The following PKHD1 variants were observed in gnomAD, a reference collection of about 807,000 sequenced individuals.
The protein encoded by PKHD1 is PKHD1 ciliary IPT domain containing fibrocystin/polyductin.
Under a neutral mutation model 412.0 loss-of-function variants are expected in PKHD1, and 291 were observed. The observed-to-expected ratio is 0.71, with a 90% CI of 0.64 to 0.78. PKHD1 has a LOEUF of 0.78. Among genes scored for constraint, PKHD1 ranks in the 30% least tolerant of loss-of-function variants. PKHD1 has a pLI of 0.00. For missense variants in PKHD1, 4,825 were observed against 4,950.7 expected (o/e 0.97, Z 0.76); for synonymous variants, 1,777 against 1,821.5 (o/e 0.98, Z 0.62).
intron 11 of PKHD1, among the ~76,000 whole-genome samples, chr6:52,068,446 G>A (rs1810083408): frequency 6.6e-6 from 1 of 152,214 alleles, no homozygotes; most frequent in African/African-American, 2.4e-5. Flanking sequence ...ACCTTGGAGT[G>A]GAGTGGCAAG....
intron 37 of PKHD1, among the ~76,000 whole-genome samples, chr6:51,926,579 G>A (rs923002600): frequency 1.3e-5 from 2 of 152,116 alleles, no homozygotes; most frequent in African/African-American, 2.4e-5. Flanking sequence ...CTAATTAGCA[G>A]TATACATTTA....
Position 51,637,554 on chromosome 6 carries a change from T to C in PKHD1, c.11506+1295A>G, listed in dbSNP as rs532366654. ...AATAGCATTTAAGAGATAATGATCA[T>C]ATAGCCAGGGAGCAATAATATTATC... On this transcript the variant is annotated intron_variant, in intron 64 of 66. Coordinates refer to ENST00000371117, the MANE Select transcript of PKHD1 (RefSeq NM_138694.4). Among the ~76,000 whole-genome samples, 3 of 151,894 alleles carry C rather than the reference T, an allele frequency of 2.0e-5. 1 individual carries two copies. In the South Asian group the frequency reaches 6.2e-4, roughly 32 times the overall value.
At chr6:51,647,886 T>C in intron 63 of PKHD1, 145 bp downstream of exon 63, 2 of 670,758 alleles carry the variant, frequency 3.0e-6, no homozygotes, top group South Asian at 1.6e-5. Flanking sequence ...ACTGACACTG[T>C]AGATTAGGGA....
At chr6:51,758,667 GAAGA>G (rs551222718) in intron 55 of PKHD1, among the ~76,000 whole-genome samples, 123 of 152,128 alleles carry the variant, frequency 8.1e-4, no homozygotes, top group African/African-American at 2.9e-3. Flanking sequence ...AACCATATGA[GAAGA>G]GAGAGGAAAT....
intron 37 of PKHD1, among the ~76,000 whole-genome samples, chr6:51,920,273 T>C (rs1784483533): frequency 1.3e-5 from 2 of 152,248 alleles, no homozygotes; most frequent in Non-Finnish European, 2.9e-5. Context: ...TTGTCATAGA[T>C]AGCTCTTATG....
intron 35 of PKHD1, among the ~76,000 whole-genome samples, chr6:51,973,228 A>G (rs374892028): frequency 2.0e-4 from 31 of 152,332 alleles, no homozygotes; most frequent in Non-Finnish European, 3.1e-4. Flanking sequence ...TTAATAAAAT[A>G]TATGCATTTC....
intron 1 of PKHD1, 77 bp from the exon 2 acceptor site, chr6:52,085,094 G>A (rs778905092): frequency 2.8e-5 from 18 of 632,874 alleles, no homozygotes; most frequent in Non-Finnish European, 5.2e-5. Context: ...TGAAACCTGG[G>A]AAATTAAGGA....
intron 53 of PKHD1, among the ~76,000 whole-genome samples, chr6:51,779,877 C>T (rs530982649): frequency 2.6e-5 from 4 of 151,656 alleles, no homozygotes; most frequent in Non-Finnish European, 5.9e-5. Context: ...AAACTAGACC[C>T]ACAAAGAATG....
intron 35 of PKHD1, among the ~76,000 whole-genome samples, chr6:51,967,960 A>T (rs1051886912): frequency 1.3e-5 from 2 of 152,160 alleles, no homozygotes; most frequent in African/African-American, 4.8e-5. Flanking sequence ...ACAGGAGCGT[A>T]CTTTCCCTGC....
rs1785280913 is a variant in PKHD1, at chr6:51,747,002, G to C, written c.9830-113C>G. On this transcript the variant is annotated intron_variant, in intron 58 of 66. Transcript: ENST00000371117. ...TAATGTATACCCTAAGTTAGTTAAA[G>C]CTATCCAGGATAGCCTTAGGAGTTT... 8.7e-6 allele frequency: 6 copies of C among 689,640 alleles called. No individual in the cohort carries two copies. The South Asian group carries it at 9.7e-5, about 11-fold the overall frequency. The allele number at this position is 689,640 out of a possible 1,614,324, so 42.7% of individuals were successfully genotyped here.
intron 52 of PKHD1, among the ~76,000 whole-genome samples, chr6:51,800,738 C>A (rs899163029): frequency 6.6e-5 from 10 of 152,156 alleles, no homozygotes; most frequent in African/African-American, 2.4e-4. Context: ...CAGGCAGACC[C>A]ACTGCTTGTA....
chr6:51,969,828 C>T (rs1412765913), intron 35 of PKHD1, among the ~76,000 whole-genome samples: 1 of 152,046 alleles, frequency 6.6e-6, no homozygotes, highest in Non-Finnish European at 1.5e-5. Flanking sequence ...TTTCTTTATC[C>T]AATCATTTGT....
intron 60 of PKHD1, among the ~76,000 whole-genome samples, chr6:51,706,570 G>A (rs1731448001): frequency 6.6e-6 from 1 of 151,584 alleles, no homozygotes; most frequent in Admixed American, 6.6e-5. Flanking sequence ...ACAAGTGGAA[G>A]AGGGGTCAGT....
At chr6:51,658,425 C>T (rs1298884189) in intron 61 of PKHD1, among the ~76,000 whole-genome samples, 10 of 152,056 alleles carry the variant, frequency 6.6e-5, no homozygotes, top group African/African-American at 2.4e-4. Context: ...AGTGTGAGGA[C>T]GTGGTTTTCT....
intron 65 of PKHD1, among the ~76,000 whole-genome samples, chr6:51,631,915 T>C (rs1487859190): frequency 6.6e-6 from 1 of 151,202 alleles, no homozygotes; most frequent in Non-Finnish European, 1.5e-5. Flanking sequence ...GAGGATGACA[T>C]TTCCCCGGAT....
intron 35 of PKHD1, among the ~76,000 whole-genome samples, chr6:51,993,482 C>A (rs1417506034): frequency 2.0e-5 from 3 of 152,298 alleles, no homozygotes; most frequent in African/African-American, 7.2e-5. Flanking sequence ...CAATCAGTGT[C>A]TTTTTTGCTA....
At chr6:51,853,093 G>A (rs991705804) in intron 49 of PKHD1, among the ~76,000 whole-genome samples, 5 of 152,116 alleles carry the variant, frequency 3.3e-5, no homozygotes, top group African/African-American at 1.2e-4. Flanking sequence ...CTCTTGCAGG[G>A]CAGGTCTGGT....
intron 60 of PKHD1, among the ~76,000 whole-genome samples, chr6:51,682,680 A>T (rs1039622751): frequency 8.5e-5 from 13 of 152,066 alleles, no homozygotes; most frequent in Non-Finnish European, 1.9e-4. Flanking sequence ...TTGGAGGCAG[A>T]AAGTGATGGA....
intron 53 of PKHD1, among the ~76,000 whole-genome samples, chr6:51,784,092 A>C (rs1167857992): frequency 2.0e-5 from 3 of 152,218 alleles, no homozygotes; most frequent in African/African-American, 7.2e-5. Flanking sequence ...TGTTCTGATT[A>C]AGTCTATCAT....
Sources: gnomAD v4.1 joint callset for allele counts (sites outside exome capture counted in the v4.1 genomes callset) on GRCh38, gnomAD v4.1.1 for gene constraint, MANE v1.5 for transcripts, NCBI Gene and HGNC (gene_info 2026-07-23, HGNC 2026-07-21) for gene names.